Variants in CNTN4 observed in about 807,000 individuals in gnomAD.
CNTN4 encodes the protein contactin 4.
A neutral mutation model predicts 122.5 loss-of-function variants in CNTN4; 77 were observed. The observed-to-expected ratio is 0.63, with a 90% CI of 0.52 to 0.76. The LOEUF (loss-of-function observed/expected upper bound fraction) is 0.76. Among genes scored for constraint, CNTN4 ranks in the 30% least tolerant of loss-of-function variants. The probability of loss-of-function intolerance (pLI) is 0.00; values close to 1 mark genes in which losing one functional copy is unlikely to be tolerated. For missense variants in CNTN4, 1,256 were observed against 1,259.1 expected (o/e 1.00, Z 0.04); for synonymous variants, 512 against 447.0 (o/e 1.15, Z -1.83).
chr3:3,039,817 G>A (rs1699974153), intron 19 of CNTN4: 4 of 546,378 alleles, frequency 7.3e-6, no homozygotes, highest in Admixed American at 2.8e-5. Flanking sequence ...AGCAAGCTCT[G>A]GACTGCAGAT....
chr3:2,993,357 G>A (rs1695224166), intron 14 of CNTN4, among the ~76,000 whole-genome samples: 1 of 149,650 alleles, frequency 6.7e-6, no homozygotes, highest in Non-Finnish European at 1.5e-5. Context: ...GAGTGCAATG[G>A]TGAGATCTCA....
intron 13 of CNTN4, among the ~76,000 whole-genome samples, chr3:2,939,642 A>C (rs2094595907): frequency 6.6e-6 from 1 of 152,242 alleles, no homozygotes; most frequent in African/African-American, 2.4e-5. Flanking sequence ...GATGGGATGT[A>C]TTCCTCCAAG....
chr3:2,328,270 G>A (rs1332878743), intron 2 of CNTN4, among the ~76,000 whole-genome samples: 1 of 150,096 alleles, frequency 6.7e-6, no homozygotes, highest in African/African-American at 2.4e-5. Flanking sequence ...GCCGGGCGTG[G>A]TGGCGGGCGC....
intron 13 of CNTN4, 149 bp downstream of exon 13, chr3:2,925,928 G>A (rs1358012679): frequency 1.4e-6 from 1 of 696,628 alleles, no homozygotes; most frequent in Non-Finnish European, 2.4e-6. Context: ...AGGATGAGTG[G>A]TAAGTTATTG....
intron 4 of CNTN4, among the ~76,000 whole-genome samples, chr3:2,614,135 G>T (rs1242581575): frequency 6.6e-6 from 1 of 152,140 alleles, no homozygotes; most frequent in Admixed American, 6.5e-5. Context: ...GGTCAAGGAA[G>T]TCCTCTCTGA....
chr3:2,921,908 GT>G (rs529760345), intron 12 of CNTN4, among the ~76,000 whole-genome samples: 1 of 152,050 alleles, frequency 6.6e-6, no homozygotes, highest in South Asian at 2.1e-4. Context: ...AAAACAAATA[GT>G]TGTGAATTAC....
intron 4 of CNTN4, among the ~76,000 whole-genome samples, chr3:2,649,476 A>G (rs2083270760): frequency 6.6e-6 from 1 of 152,228 alleles, no homozygotes; most frequent in Admixed American, 6.5e-5. Context: ...ATGGAACAAC[A>G]AAGCCTGGAT....
chr3:2,894,686 T>C (rs1193612938), intron 10 of CNTN4, among the ~76,000 whole-genome samples: 4 of 151,992 alleles, frequency 2.6e-5, no homozygotes, highest in Admixed American at 1.3e-4. Context: ...AAACACTAGG[T>C]AGAGGCTTTG....
At chr3:2,699,113 G>A (rs1031880257) in intron 4 of CNTN4, among the ~76,000 whole-genome samples, 6 of 152,106 alleles carry the variant, frequency 3.9e-5, no homozygotes, top group Non-Finnish European at 7.4e-5. Context: ...TTAATGCTTG[G>A]AAGAATTTGA....
intron 3 of CNTN4, among the ~76,000 whole-genome samples, chr3:2,427,356 C>T (rs1215050980): frequency 1.3e-5 from 2 of 152,038 alleles, no homozygotes; most frequent in African/African-American, 4.8e-5. Context: ...GAGCAGGTTG[C>T]TCAGTTTCCA....
intron 3 of CNTN4, among the ~76,000 whole-genome samples, chr3:2,431,695 G>A (rs1260707809): frequency 6.6e-6 from 1 of 152,170 alleles, no homozygotes; most frequent in Non-Finnish European, 1.5e-5. Context: ...CCTGACCTCA[G>A]GGATATAGAA....
chr3:2,160,750 C>T (rs934324960), intron 2 of CNTN4, among the ~76,000 whole-genome samples: 1 of 152,142 alleles, frequency 6.6e-6, no homozygotes, highest in Non-Finnish European at 1.5e-5. Flanking sequence ...TTGACTGTTT[C>T]TCAGATGGTT....
rs570222018 is a variant in CNTN4 at position 3,031,908 on chromosome 3, T to A, written c.1783+933T>A. 2.6e-5 allele frequency among the ~76,000 whole-genome samples: 4 copies of A among 152,272 alleles called. No individual in the cohort carries two copies. The East Asian group carries it at 5.8e-4, about 22-fold the overall frequency. ...CGCAAGAAAATAAAAATTTAGGGTA[T>A]GAGCGTTGGAGGCAGGGTTAATCTG... On this transcript the variant is annotated intron_variant, in intron 16 of 24. Coordinates refer to ENST00000418658, the MANE Select transcript of CNTN4 (RefSeq NM_175607.3).
At chr3:2,654,880 A>T (rs2083515815) in intron 4 of CNTN4, among the ~76,000 whole-genome samples, 1 of 152,082 alleles carries the variant, frequency 6.6e-6, no homozygotes, top group Non-Finnish European at 1.5e-5. Context: ...GGCACTAGCT[A>T]GTATGCCCCA....
intron 2 of CNTN4, among the ~76,000 whole-genome samples, chr3:2,300,978 G>A (rs992424475): frequency 1.3e-5 from 2 of 152,158 alleles, no homozygotes; most frequent in Non-Finnish European, 2.9e-5. Flanking sequence ...CCTGCAGGAA[G>A]TGACAGCTTA....
chr3:2,829,785 C>CT (rs941481638), intron 7 of CNTN4, among the ~76,000 whole-genome samples: 2 of 152,078 alleles, frequency 1.3e-5, no homozygotes, highest in African/African-American at 4.8e-5. Flanking sequence ...AAATTATAGT[C>CT]TTTTTATAGC....
chr3:2,756,837 G>T (rs1192249016), intron 6 of CNTN4, among the ~76,000 whole-genome samples: 1 of 152,184 alleles, frequency 6.6e-6, no homozygotes, highest in Non-Finnish European at 1.5e-5. Context: ...CTTCGAAGGT[G>T]CCCAGCACTG....
chr3:2,598,719 C>T (rs1224199029), intron 4 of CNTN4, among the ~76,000 whole-genome samples: 2 of 152,088 alleles, frequency 1.3e-5, no homozygotes, highest in Non-Finnish European at 2.9e-5. Flanking sequence ...GGGCTGCCAG[C>T]AGCTAAGCCT....
intron 13 of CNTN4, among the ~76,000 whole-genome samples, chr3:2,981,402 G>A (rs369077127): frequency 6.6e-6 from 1 of 151,290 alleles, no homozygotes; most frequent in Non-Finnish European, 1.5e-5. Flanking sequence ...CGAGATCGCA[G>A]CACTGCACTC....
Sources: allele counts gnomAD v4.1 joint callset (sites outside exome capture counted in the v4.1 genomes callset), GRCh38; gene constraint gnomAD v4.1.1; transcripts MANE v1.5; gene names NCBI Gene and HGNC (gene_info 2026-07-23, HGNC 2026-07-21).